The following OXSR1 variants were observed in gnomAD, a reference collection of about 807,000 sequenced individuals.
The protein encoded by OXSR1 is oxidative stress responsive kinase 1.
Under a neutral mutation model 79.8 loss-of-function variants are expected in OXSR1, and 24 were observed. The ratio of observed to expected loss-of-function variants is 0.30; its 90% CI spans 0.22 to 0.42. The LOEUF (loss-of-function observed/expected upper bound fraction) is 0.42. Ranked by LOEUF, OXSR1 falls within the 10% of genes least tolerant of loss-of-function variation. OXSR1 has a pLI of 1.00. For missense variants in OXSR1, 430 were observed against 618.4 expected, an observed-to-expected ratio of 0.70 and a Z score of 3.23; for synonymous variants, 226 against 209.2, an observed-to-expected ratio of 1.08 and a Z score of -0.69.
At chr3:38,239,954 G>T (rs1400249474) in intron 11 of OXSR1, among the ~76,000 whole-genome samples, 1 of 152,088 alleles carries the variant, frequency 6.6e-6, no homozygotes, top group Non-Finnish European at 1.5e-5. Context: ...TTTGCCCAGT[G>T]CCCAATGTCT....
At chr3:38,243,584 C>G (rs973918511) in intron 12 of OXSR1, among the ~76,000 whole-genome samples, 3 of 152,192 alleles carry the variant, frequency 2.0e-5, no homozygotes, top group African/African-American at 7.2e-5. Flanking sequence ...GCAGCATCTT[C>G]ATTCTGAGCT....
At chr3:38,228,345 A>G (rs1392498276) in intron 8 of OXSR1, among the ~76,000 whole-genome samples, 2 of 152,216 alleles carry the variant, frequency 1.3e-5, no homozygotes, top group African/African-American at 4.8e-5. Context: ...CATATTGAGA[A>G]GCAATTGTTG....
At chr3:38,199,958 C>A (rs1019439161) in intron 4 of OXSR1, among the ~76,000 whole-genome samples, 55 of 152,284 alleles carry the variant, frequency 3.6e-4, no homozygotes, top group African/African-American at 1.3e-3. Flanking sequence ...CCCTTGGGCC[C>A]CTCTTTGCTC....
chr3:38,203,010 G>A (rs572513687), intron 4 of OXSR1, among the ~76,000 whole-genome samples: 4 of 152,152 alleles, frequency 2.6e-5, no homozygotes, highest in Non-Finnish European at 4.4e-5. Flanking sequence ...GCAGTCATCC[G>A]GAGGCCTAAA....
intron 1 of OXSR1, among the ~76,000 whole-genome samples, chr3:38,179,547 T>C (rs1701742024): frequency 6.6e-6 from 1 of 152,040 alleles, no homozygotes; most frequent in African/African-American, 2.4e-5. Context: ...ACTTACAGAG[T>C]TGTACAACCA....
intron 1 of OXSR1, among the ~76,000 whole-genome samples, chr3:38,172,665 G>A (rs1249199057): frequency 2.6e-5 from 4 of 152,100 alleles, no homozygotes; most frequent in Non-Finnish European, 5.9e-5. Flanking sequence ...GAAGGACTTC[G>A]TGCTTTCAAT....
intron 4 of OXSR1, among the ~76,000 whole-genome samples, chr3:38,204,241 GTCCTCTGGCCCA>G (rs1702225297): frequency 6.6e-6 from 1 of 152,112 alleles, no homozygotes; most frequent in African/African-American, 2.4e-5. Flanking sequence ...GCAGCTGGCT[GTCCTCTGGCCCA>G]GGGCACGTCC....
intron 9 of OXSR1, 89 bp downstream of exon 9, chr3:38,229,824 AT>A (rs1413597600): frequency 6.1e-6 from 6 of 991,204 alleles, no homozygotes; most frequent in Non-Finnish European, 7.9e-6. Context: ...TTGGATGATT[AT>A]GTTTGGAAAA....
chr3:38,223,616 A>AT lies in OXSR1; in HGVS notation c.601-183dup, dbSNP rs763326949. On this transcript the variant is annotated intron_variant, in intron 6 of 17. Coordinates refer to ENST00000311806, the MANE Select transcript of OXSR1 (RefSeq NM_005109.3). ...CGCCACCGTGCCCGGCTAATTTTGT[A>AT]TTTTTTTTTTTTTAGTAGTGATGGA... 5.6e-3 allele frequency among the ~76,000 whole-genome samples: 785 copies of AT among 139,656 alleles called. 7 individuals are homozygous for AT. The highest frequency in any genetic ancestry group is 0.014 in the African/African-American group (517 of 38,042). 91.6% of individuals were successfully genotyped at this position (139,656 alleles called of 152,430 possible).
At chr3:38,170,932 A>C (rs1005284805) in intron 1 of OXSR1, among the ~76,000 whole-genome samples, 1 of 152,046 alleles carries the variant, frequency 6.6e-6, no homozygotes, top group Non-Finnish European at 1.5e-5. Context: ...ATGTGCCACC[A>C]TGCCCGCCTC....
chr3:38,239,505 A>C (rs1449065785), intron 11 of OXSR1, among the ~76,000 whole-genome samples: 1 of 152,162 alleles, frequency 6.6e-6, no homozygotes, highest in East Asian at 1.9e-4. Flanking sequence ...TACTGAGACA[A>C]GACCTTTTTG....
chr3:38,204,259 C>G (rs540684700), intron 4 of OXSR1, among the ~76,000 whole-genome samples: 1 of 151,650 alleles, frequency 6.6e-6, no homozygotes, highest in African/African-American at 2.4e-5. Flanking sequence ...GCCCAGGGCA[C>G]GTCCAGAAAT....
At chr3:38,232,439 A>G (rs1232269537) in intron 10 of OXSR1, among the ~76,000 whole-genome samples, 1 of 151,452 alleles carries the variant, frequency 6.6e-6, no homozygotes, top group African/African-American at 2.4e-5. Context: ...GCCAAAAATT[A>G]CCTACTAAAA....
rs142517198 is a variant in OXSR1, at chr3:38,203,555, C to A, written c.434+4692C>A. Among the ~76,000 whole-genome samples, 59 of 152,234 alleles carry A rather than the reference C, an allele frequency of 3.9e-4. No homozygotes were observed. The East Asian group carries it at 9.1e-3, about 23-fold the overall frequency. On this transcript the variant is annotated intron_variant, in intron 4 of 17. Coordinates refer to ENST00000311806, the MANE Select transcript of OXSR1 (RefSeq NM_005109.3). ...GTAGAGATTGGGTCTTCTTATGTTG[C>A]CCAGACTAGTCTTGGACTCTTATAG...
chr3:38,225,390 C>G (rs1051936149), intron 8 of OXSR1, among the ~76,000 whole-genome samples: 2 of 152,218 alleles, frequency 1.3e-5, no homozygotes, highest in East Asian at 1.9e-4. Context: ...ATATTCCACT[C>G]AGCTTCTTAG....
At chr3:38,207,459 A>G (rs1030367420) in intron 4 of OXSR1, among the ~76,000 whole-genome samples, 1 of 152,202 alleles carries the variant, frequency 6.6e-6, no homozygotes, top group Admixed American at 6.5e-5. Context: ...AAGGAAGGAA[A>G]GGGGAAATAG....
At chr3:38,169,608 CG>C (rs1701537002) in intron 1 of OXSR1, among the ~76,000 whole-genome samples, 4 of 144,092 alleles carry the variant, frequency 2.8e-5, no homozygotes. Flanking sequence ...CCTGGCTGTT[CG>C]TTTTTTTTTT....
At chr3:38,232,461 A>C (rs1436367460) in intron 10 of OXSR1, among the ~76,000 whole-genome samples, 2 of 151,362 alleles carry the variant, frequency 1.3e-5, no homozygotes, top group Non-Finnish European at 3.0e-5. Flanking sequence ...AACTGTTAAG[A>C]GAATAAAAAG....
intron 12 of OXSR1, among the ~76,000 whole-genome samples, chr3:38,245,754 T>C (rs192500702): frequency 6.6e-6 from 1 of 152,268 alleles, no homozygotes; most frequent in Admixed American, 6.5e-5. Context: ...AGAGGACTTT[T>C]TGGGGGTGAT....
Sources: allele counts gnomAD v4.1 joint callset (sites outside exome capture counted in the v4.1 genomes callset), GRCh38; gene constraint gnomAD v4.1.1; transcripts MANE v1.5; gene names NCBI Gene and HGNC (gene_info 2026-07-23, HGNC 2026-07-21).